The following MEP1B variants were observed in gnomAD, a reference collection of about 807,000 sequenced individuals.
MEP1B encodes meprin A subunit beta.
A neutral mutation model predicts 84.6 loss-of-function variants in MEP1B; 80 were observed. That is an observed-to-expected ratio of 0.95 (90% CI 0.79 to 1.14). The LOEUF (loss-of-function observed/expected upper bound fraction) is 1.14. MEP1B is among the 50% of genes most tolerant of loss of function. The pLI is 0.00. For missense variants in MEP1B, 766 were observed against 855.1 expected (o/e 0.90, Z 1.30); for synonymous variants, 273 against 288.1 (o/e 0.95, Z 0.53).
intron 10 of MEP1B, among the ~76,000 whole-genome samples, chr18:32,211,346 G>A (rs930637451): frequency 2.0e-5 from 3 of 152,070 alleles, no homozygotes; most frequent in African/African-American, 7.2e-5. Flanking sequence ...GGCAAAATAG[G>A]ATGGGCTCCT....
chr18:32,191,820 AG>A lies in MEP1B; in HGVS notation c.64del. The stretch of plus-strand genomic sequence containing the variant: ...TGTTTTGTTTATGTGTTTATTTCCC[AG>A]GCAACTCCAGAAAACTTTGGTGAGT... On this transcript the variant is annotated splice_acceptor_variant, in intron 1 of 14. Transcript: ENST00000269202. LOFTEE classifies it high-confidence loss of function. 6.5e-7 allele frequency: 1 copy of A among 1,537,532 alleles called. No homozygotes were observed. Among genetic ancestry groups the A allele is most frequent in the South Asian group, 1.2e-5 (1 of 84,150 alleles).
chr18:32,211,529 A>G (rs1362042595), intron 10 of MEP1B, among the ~76,000 whole-genome samples: 1 of 152,146 alleles, frequency 6.6e-6, no homozygotes, highest in East Asian at 1.9e-4. Flanking sequence ...ACATTTGACC[A>G]AATTTGCTAT....
In MEP1B at chr18:32,195,533, A is replaced by C. The variant is rs763106562; in HGVS notation, c.250+48A>C. The C allele has an allele frequency of 4.8e-6, 6 of 1,248,682 alleles. No individual in the cohort carries two copies. In the African/African-American group the frequency reaches 9.0e-5, roughly 19 times the overall value. The allele number at this position is 1,248,682 out of a possible 1,614,324, so 77.4% of individuals were successfully genotyped here. A position where few individuals can be genotyped will look rare whatever the true frequency, so the allele number is the denominator to read the frequency against. Reference sequence around the variant, plus strand: ...CCATAACTAATGTCTATTTCTGACAAAATATGATTATAGTGTTTCAAAGGG... The same window carrying C: ...CCATAACTAATGTCTATTTCTGACACAATATGATTATAGTGTTTCAAAGGG... On this transcript the variant is annotated intron_variant, in intron 5 of 14. Transcript: ENST00000269202.
chr18:32,217,714 G>A (rs1289755021), intron 13 of MEP1B, 47 bp from the exon 14 acceptor site: 1 of 1,455,216 alleles, frequency 6.9e-7, no homozygotes, highest in Admixed American at 1.8e-5. Context: ...AAGATTTCTG[G>A]AGTTAGATAT....
chr18:32,195,779 C>T (rs1305125241), intron 5 of MEP1B, among the ~76,000 whole-genome samples: 1 of 152,110 alleles, frequency 6.6e-6, no homozygotes, highest in African/African-American at 2.4e-5. Flanking sequence ...GGGAGCCAGT[C>T]TTTTTTTGTG....
Position 32,202,987 on chromosome 18 carries a change from T to C in MEP1B, c.345T>C (p.Tyr115=), listed in dbSNP as rs746254481. Residue 115 remains tyrosine (Y), a synonymous_variant, in exon 6 of 15, where the codon TAT becomes TAC. Coordinates refer to ENST00000269202, the MANE Select transcript of MEP1B (RefSeq NM_005925.3). ...DFKPWAGETN[Y]ISVFKGSGCW... ...AGCCTTGGGCTGGAGAAACAAACTATATATCAGTGTTCAAGGGCAGTGGGT... is the reference window on the plus strand; with the variant it reads ...AGCCTTGGGCTGGAGAAACAAACTACATATCAGTGTTCAAGGGCAGTGGGT... 111 of 1,609,380 alleles carry C rather than the reference T, an allele frequency of 6.9e-5. No individual in the cohort carries two copies. The highest frequency in any genetic ancestry group is 1.6e-4 in the Middle Eastern group (1 of 6,084).
Position 32,213,360 on chromosome 18 carries a change from C to T in MEP1B, c.1380C>T (p.Ala460=), listed in dbSNP as rs1209549676. The T allele has an allele frequency of 6.2e-7, 1 of 1,613,830 alleles. No individual in the cohort carries two copies. Among genetic ancestry groups the T allele is most frequent in the Non-Finnish European group, 8.5e-7 (1 of 1,179,798 alleles). The change falls in exon 11 of 15, where the codon GCC becomes GCT. Residue 460 remains alanine (A), a synonymous_variant. Transcript: ENST00000269202. The part of the protein sequence containing the change: ...SPPFYSSKGY[A]FQIYLNLAHV... ...CATTTTACTCTTCTAAAGGTTATGC[C>T]TTTCAGATTTACTTAAATCTAGCCC...
At chr18:32,210,297 G>A (rs979079986) in intron 9 of MEP1B, among the ~76,000 whole-genome samples, 8 of 152,242 alleles carry the variant, frequency 5.3e-5, no homozygotes, top group Non-Finnish European at 1.2e-4. Context: ...AAATAATAGA[G>A]AGGTTTGAGT....
chr18:32,192,615 C>A, intron 2 of MEP1B, 31 bp from the exon 3 acceptor site: 1 of 1,600,192 alleles, frequency 6.2e-7, no homozygotes, highest in South Asian at 1.1e-5. Context: ...ACATAATGTT[C>A]AATTTTTTGT....
intron 10 of MEP1B, 122 bp downstream of exon 10, chr18:32,210,838 A>T: frequency 1.3e-6 from 1 of 754,352 alleles, no homozygotes; most frequent in Non-Finnish European, 2.2e-6. Flanking sequence ...TCAACTAAGA[A>T]CTAGATTCTT....
chr18:32,204,064 G>A (rs893511289), intron 6 of MEP1B, 118 bp from the exon 7 acceptor site: 3 of 813,696 alleles, frequency 3.7e-6, no homozygotes, highest in African/African-American at 3.4e-5. Flanking sequence ...GTGTTCAGAT[G>A]TAAGAGCAAA....
chr18:32,201,280 G>A (rs373680786), intron 5 of MEP1B, among the ~76,000 whole-genome samples: 27 of 145,768 alleles, frequency 1.9e-4, no homozygotes, highest in East Asian at 1.8e-3. Flanking sequence ...CATTTTGAAC[G>A]TTAACAGCCA....
At chr18:32,205,397 G>A (rs548804269) in intron 7 of MEP1B, among the ~76,000 whole-genome samples, 1 of 152,288 alleles carries the variant, frequency 6.6e-6, no homozygotes, top group South Asian at 2.1e-4. Flanking sequence ...AAAGGGCATT[G>A]CTATTATGTC....
intron 10 of MEP1B, among the ~76,000 whole-genome samples, chr18:32,212,897 G>C (rs558106250): frequency 6.6e-6 from 1 of 152,284 alleles, no homozygotes; most frequent in South Asian, 2.1e-4. Context: ...TTGAGAAACA[G>C]CTAGACAAAC....
chr18:32,204,183 T>C lies in MEP1B; in HGVS notation c.370T>C (p.Cys124Arg), dbSNP rs949398964. 6.2e-7 allele frequency: 1 copy of C among 1,604,626 alleles called. No individual in the cohort carries two copies. The highest frequency in any genetic ancestry group is 8.5e-7 in the Non-Finnish European group (1 of 1,175,560). The change falls in exon 7 of 15, where the codon TGC (cysteine) becomes CGC (arginine). Residue 124 changes from cysteine (C) to arginine (R), a missense_variant and splice_region_variant. By Grantham distance (180) the Cys-to-Arg change is radical. Coordinates refer to ENST00000269202, the MANE Select transcript of MEP1B (RefSeq NM_005925.3). ...NYISVFKGSGCWSSVGNRRVG... is the reference protein window; with the variant it reads ...NYISVFKGSGRWSSVGNRRVG... Reference sequence around the variant, plus strand: ...CTTTCTTGTAAACTCTCCTGTAAGCTGCTGGTCTTCAGTAGGAAATAGGCG... The same window carrying C: ...CTTTCTTGTAAACTCTCCTGTAAGCCGCTGGTCTTCAGTAGGAAATAGGCG...
chr18:32,209,004 G>T (rs1275457032), intron 9 of MEP1B, among the ~76,000 whole-genome samples: 1 of 152,082 alleles, frequency 6.6e-6, no homozygotes, highest in African/African-American at 2.4e-5. Flanking sequence ...AGGGAGGGAG[G>T]GGGAAAAGAA....
chr18:32,196,928 T>C lies in MEP1B; in HGVS notation c.250+1443T>C. Reference sequence around the variant, plus strand: ...TCTCCACGTGCACTGCTCCCTACACTTGGTTAAACAGGTGCAGGGCCTGAT... The same window carrying C: ...TCTCCACGTGCACTGCTCCCTACACCTGGTTAAACAGGTGCAGGGCCTGAT... On this transcript the variant is annotated intron_variant, in intron 5 of 14. Transcript: ENST00000269202. The surrounding 1 kb of genome is among the most constrained non-coding windows in gnomAD (Gnocchi z 4.4). 2.8e-6 allele frequency: 1 copy of C among 362,730 alleles called. No individual in the cohort carries two copies. The highest frequency in any genetic ancestry group is 5.2e-6 in the Non-Finnish European group (1 of 190,556). 22.5% of individuals were successfully genotyped at this position (362,730 alleles called of 1,614,324 possible). A position where few individuals can be genotyped will look rare whatever the true frequency, so the allele number is the denominator to read the frequency against.
chr18:32,219,789 A>G (rs1264189793), intron 14 of MEP1B, among the ~76,000 whole-genome samples: 1 of 151,010 alleles, frequency 6.6e-6, no homozygotes, highest in East Asian at 1.9e-4. Context: ...CATGGTAAGG[A>G]TAGTAAGTGG....
chr18:32,219,503 G>A (rs181118589), intron 14 of MEP1B, among the ~76,000 whole-genome samples: 3 of 152,260 alleles, frequency 2.0e-5, no homozygotes, highest in East Asian at 1.9e-4. Flanking sequence ...CTGCAAGTTC[G>A]GTCTCCTGGG....
Sources: allele counts gnomAD v4.1 joint callset (sites outside exome capture counted in the v4.1 genomes callset), GRCh38; gene constraint gnomAD v4.1.1; non-coding constraint Gnocchi (gnomAD v3.1); transcripts MANE v1.5; gene names NCBI Gene and HGNC (gene_info 2026-07-23, HGNC 2026-07-21).